The following TMEM204 variants were observed in gnomAD, a reference collection of about 807,000 sequenced individuals.
TMEM204 encodes the protein transmembrane protein 204.
A neutral mutation model predicts 19.4 loss-of-function variants in TMEM204; 15 were observed. The ratio of observed to expected loss-of-function variants is 0.77; its 90% confidence interval spans 0.52 to 1.19. The LOEUF (loss-of-function observed/expected upper bound fraction) is 1.19. TMEM204 is among the 50% of genes most tolerant of loss of function. TMEM204 has a pLI of 0.00. For synonymous variants in TMEM204, 161 were observed against 146.0 expected, an observed-to-expected ratio of 1.10 and a Z score of -0.74; for missense variants, 287 against 321.2, an observed-to-expected ratio of 0.89 and a Z score of 0.81.
In TMEM204 at chr16:1,534,524, C is replaced by T. The variant is rs184155439; in HGVS notation, c.249C>T (p.Ala83=). 2.9e-5 allele frequency: 46 copies of T among 1,606,428 alleles called. No individual in the cohort carries two copies. The highest frequency in any genetic ancestry group is 2.1e-4 in the African/African-American group (16 of 75,054). The change falls in exon 1 of 3, where the codon GCC becomes GCT. Residue 83 remains alanine (A), a synonymous_variant. Transcript: ENST00000566264. ...CEALGWGSEA[A]GFQESRGTVK... Reference sequence around the variant, plus strand: ...CGCTGGGCTGGGGCTCCGAGGCAGCCGGCTTCCAGGAGTCCCGAGGCACCG... The same window carrying T: ...CGCTGGGCTGGGGCTCCGAGGCAGCTGGCTTCCAGGAGTCCCGAGGCACCG...
intron 1 of TMEM204, chr16:1,541,578 C>A (rs1169223648): frequency 1.2e-6 from 1 of 854,270 alleles, no homozygotes; most frequent in African/African-American, 1.8e-5. Flanking sequence ...CCCACCTCCA[C>A]CCCCACGCCA....
Position 1,553,776 on chromosome 16 carries a change from C to T in TMEM204, c.437-1006C>T. 8.5e-7 allele frequency: 1 copy of T among 1,181,964 alleles called. No homozygotes were observed. Among genetic ancestry groups the T allele is most frequent in the Non-Finnish European group, 1.1e-6 (1 of 938,480 alleles). The allele number at this position is 1,181,964 out of a possible 1,614,324, so 73.2% of individuals were successfully genotyped here. A position where few individuals can be genotyped will look rare whatever the true frequency, so the allele number is the denominator to read the frequency against. On this transcript the variant is annotated intron_variant, in intron 2 of 2. Coordinates refer to ENST00000566264, the MANE Select transcript of TMEM204 (RefSeq NM_024600.6). This position sits in a 1 kb window ranked among gnomAD's most constrained non-coding sequence, Gnocchi z 4.4. ...AGGAGGGGCAGGGCCATGTGGACAG[C>T]CTCTCCTCCATCCTAGAGCCTATGT...
intron 1 of TMEM204, among the ~76,000 whole-genome samples, chr16:1,538,844 A>G (rs2031333026): frequency 6.6e-6 from 1 of 152,096 alleles, no homozygotes; most frequent in African/African-American, 2.4e-5. Flanking sequence ...CTGGCTGTGG[A>G]GTCCGTTGGA....
At chr16:1,543,228 C>G (rs2031820834) in intron 2 of TMEM204, among the ~76,000 whole-genome samples, 1 of 152,262 alleles carries the variant, frequency 6.6e-6, no homozygotes, top group Admixed American at 6.5e-5. Context: ...CAGCGTTCTG[C>G]AGGTTGCCCT....
intron 2 of TMEM204, among the ~76,000 whole-genome samples, chr16:1,545,256 G>C (rs1418379301): frequency 6.6e-6 from 1 of 152,070 alleles, no homozygotes; most frequent in East Asian, 1.9e-4. Flanking sequence ...GGTTGGACCA[G>C]GCTCTGTTCA....
At chr16:1,538,364 G>A (rs993778390) in intron 1 of TMEM204, among the ~76,000 whole-genome samples, 4 of 152,186 alleles carry the variant, frequency 2.6e-5, no homozygotes, top group African/African-American at 9.7e-5. Flanking sequence ...GACAGGTCAG[G>A]GGTGCGTCTG....
Position 1,544,333 on chromosome 16 carries a change from G to A in TMEM204, c.436+2257G>A, listed in dbSNP as rs1030427814. Among the ~76,000 whole-genome samples the A allele has an allele frequency of 2.4e-4, 36 of 151,948 alleles. 1 individual carries two copies. Among genetic ancestry groups the A allele is most frequent in the South Asian group, 2.3e-3 (11 of 4,816 alleles). ...TGAGCAGCTGGGACTACAGGCGCCCGCCACCATGCCCGGCTAATTTTTTTT... is the reference window on the plus strand; with the variant it reads ...TGAGCAGCTGGGACTACAGGCGCCCACCACCATGCCCGGCTAATTTTTTTT... On this transcript the variant is annotated intron_variant, in intron 2 of 2. Coordinates refer to ENST00000566264, the MANE Select transcript of TMEM204 (RefSeq NM_024600.6).
In TMEM204 at chr16:1,553,175, GCT is replaced by G. The variant is rs767245825; in HGVS notation, c.437-1602_437-1601del. On this transcript the variant is annotated intron_variant, in intron 2 of 2. Coordinates refer to ENST00000566264, the MANE Select transcript of TMEM204 (RefSeq NM_024600.6). This position sits in a 1 kb window ranked among gnomAD's most constrained non-coding sequence, Gnocchi z 4.4. ...AAACAAGGCTGGTTACCCATCTCTT[GCT>G]CTCTGTCTCTCCTTCCCTGTGTCTC... The G allele has an allele frequency of 9.1e-6, 9 of 985,048 alleles. No homozygotes were observed. Among genetic ancestry groups the G allele is most frequent in the Non-Finnish European group, 1.1e-5 (9 of 829,790 alleles). The allele number at this position is 985,048 out of a possible 1,614,324, so 61.0% of individuals were successfully genotyped here.
At chr16:1,552,977 G>A in intron 2 of TMEM204, 1 of 985,286 alleles carries the variant, frequency 1.0e-6, no homozygotes, top group South Asian at 4.7e-5. Flanking sequence ...TAATAAAACA[G>A]AAGTATCCAG....
In TMEM204 at chr16:1,555,149, C is replaced by A; in HGVS notation, c.*123C>A. On this transcript the variant is annotated 3_prime_UTR_variant, in exon 3 of 3. Transcript: ENST00000566264. ...AGAGGCACGGGATGAGTCTGGGTGA[C>A]CTCTGCGCCATGCGTGCGAGACACG... 7.8e-7 allele frequency: 1 copy of A among 1,280,182 alleles called. No individual in the cohort carries two copies. Among genetic ancestry groups the A allele is most frequent in the Non-Finnish European group, 1.1e-6 (1 of 945,752 alleles). The allele number at this position is 1,280,182 out of a possible 1,614,324, so 79.3% of individuals were successfully genotyped here. A position where few individuals can be genotyped will look rare whatever the true frequency, so the allele number is the denominator to read the frequency against.
At chr16:1,541,015 G>T (rs1041134709) in intron 1 of TMEM204, 2 of 985,298 alleles carry the variant, frequency 2.0e-6, no homozygotes, top group African/African-American at 3.5e-5. Context: ...TTATTTGCGG[G>T]AGAACATTTC....
chr16:1,552,484 G>C (rs1308233941), intron 2 of TMEM204, among the ~76,000 whole-genome samples: 2 of 152,084 alleles, frequency 1.3e-5, no homozygotes, highest in Non-Finnish European at 2.9e-5. Context: ...AACATGAGTG[G>C]ACGCTGTTCA....
chr16:1,544,153 G>C (rs1423141021), intron 2 of TMEM204, among the ~76,000 whole-genome samples: 1 of 149,928 alleles, frequency 6.7e-6, no homozygotes. Flanking sequence ...GTGTAGGTGG[G>C]ATTGCAGGCA....
At chr16:1,535,626 G>A (rs941576998) in intron 1 of TMEM204, among the ~76,000 whole-genome samples, 20 of 152,168 alleles carry the variant, frequency 1.3e-4, no homozygotes, top group Admixed American at 4.6e-4. Flanking sequence ...CCAACCTGCC[G>A]CGCTCAGAAC....
chr16:1,530,240 C>A (rs1292297679), upstream of TMEM204, among the ~76,000 whole-genome samples: 1 of 145,528 alleles, frequency 6.9e-6, no homozygotes, highest in South Asian at 2.2e-4. Flanking sequence ...CCGAGTGATT[C>A]TCCTGCCTCA....
chr16:1,543,843 C>T (rs2031892076), intron 2 of TMEM204, among the ~76,000 whole-genome samples: 1 of 152,042 alleles, frequency 6.6e-6, no homozygotes, highest in African/African-American at 2.4e-5. Flanking sequence ...ATCTCTACCG[C>T]GTGCAGGAAT....
chr16:1,552,155 G>T (rs1294076279), intron 2 of TMEM204, among the ~76,000 whole-genome samples: 1 of 152,152 alleles, frequency 6.6e-6, no homozygotes, highest in Non-Finnish European at 1.5e-5. Flanking sequence ...TGTAACACCC[G>T]CAAGTAGAAA....
In TMEM204 at chr16:1,533,912, ACT is replaced by A. The variant is rs1432730167; in HGVS notation, c.-361_-360del. 7 of 305,616 alleles carry A rather than the reference ACT, an allele frequency of 2.3e-5. No homozygotes were observed. Among genetic ancestry groups the A allele is most frequent in the Non-Finnish European group, 4.3e-5 (7 of 164,204 alleles). The allele number at this position is 305,616 out of a possible 1,614,324, so 18.9% of individuals were successfully genotyped here. On this transcript the variant is annotated 5_prime_UTR_variant, in exon 1 of 3. Transcript: ENST00000566264. This position sits in a 1 kb window ranked among gnomAD's most constrained non-coding sequence, Gnocchi z 4.7. Reference sequence around the variant, plus strand: ...CCCACTGCTGCCGGCCTCCCGAGTGACTCTGTTTTCCACTGCTGCAGGCGAGA... The same window carrying A: ...CCCACTGCTGCCGGCCTCCCGAGTGACTGTTTTCCACTGCTGCAGGCGAGA...
At position 1,533,809 on chromosome 16, in the gene TMEM204, C is replaced by T. The variant is rs1226625700; in HGVS notation, c.-467C>T. The T allele has an allele frequency of 2.4e-5, 5 of 212,268 alleles. No individual in the cohort carries two copies. Among genetic ancestry groups the T allele is most frequent in the African/African-American group, 9.6e-5 (4 of 41,820 alleles). 13.1% of individuals were successfully genotyped at this position (212,268 alleles called of 1,614,324 possible). A position where few individuals can be genotyped will look rare whatever the true frequency, so the allele number is the denominator to read the frequency against. On this transcript the variant is annotated 5_prime_UTR_variant, in exon 1 of 3. Coordinates refer to ENST00000566264, the MANE Select transcript of TMEM204 (RefSeq NM_024600.6). This position sits in a 1 kb window ranked among gnomAD's most constrained non-coding sequence, Gnocchi z 4.7. ...AGGCAGCACAGAGGAGCTGTGAACC[C>T]GCTCCACACCGGCCACCCTGCCCGG...
Sources: gnomAD v4.1 joint callset for allele counts (sites outside exome capture counted in the v4.1 genomes callset) on GRCh38, gnomAD v4.1.1 for gene constraint, Gnocchi (gnomAD v3.1) non-coding constraint, MANE v1.5 for transcripts, NCBI Gene and HGNC (gene_info 2026-07-23, HGNC 2026-07-21) for gene names.